Variants in INPP5F observed in about 807,000 individuals in gnomAD.
INPP5F encodes the protein inositol polyphosphate-5-phosphatase F, also known as phosphatidylinositide 4-phosphatase SAC2.
Under a neutral mutation model 137.2 loss-of-function variants are expected in INPP5F, and 97 were observed. That is an observed-to-expected ratio of 0.71 (90% confidence interval 0.60 to 0.84). The LOEUF (loss-of-function observed/expected upper bound fraction) is 0.84, where lower values mean the gene tolerates loss of function less well. Ranked by LOEUF, INPP5F falls within the 40% of genes least tolerant of loss-of-function variation. The pLI, the probability that INPP5F is intolerant of heterozygous loss-of-function variation, is 0.00. For synonymous variants in INPP5F, 504 were observed against 476.9 expected (o/e 1.06, Z -0.74); for missense variants, 1,271 against 1,371.9 (o/e 0.93, Z 1.16).
rs549596808 is a variant in INPP5F at position 119,796,552 on chromosome 10, C to T, written c.670-163C>T. Among the ~76,000 whole-genome samples, 8 of 152,282 alleles carry T rather than the reference C, an allele frequency of 5.3e-5. No homozygotes were observed. In the East Asian group the frequency reaches 1.2e-3, roughly 22 times the overall value. On this transcript the variant is annotated intron_variant, in intron 6 of 19. Transcript: ENST00000650623. ...AAAGAAAAGGAAAGACCTCCTCTGT[C>T]CGTTCCTTACGTGGTGTTCTTCAAT...
At chr10:119,821,861 T>A (rs1463173242) in intron 16 of INPP5F, among the ~76,000 whole-genome samples, 1 of 144,772 alleles carries the variant, frequency 6.9e-6, no homozygotes, top group African/African-American at 2.5e-5. Context: ...AACCTTGTAG[T>A]TGCTTTTTTT....
At chr10:119,804,322 G>A (rs771856810) in intron 10 of INPP5F, 25 bp downstream of exon 10, 5 of 1,581,634 alleles carry the variant, frequency 3.2e-6, no homozygotes, top group Non-Finnish European at 4.3e-6. Context: ...GGAGAATAGT[G>A]TTGATCAATT....
intron 15 of INPP5F, among the ~76,000 whole-genome samples, chr10:119,814,311 C>T (rs958945414): frequency 6.6e-6 from 1 of 151,664 alleles, no homozygotes; most frequent in African/African-American, 2.4e-5. Context: ...TGCTTGAACC[C>T]GGCAGGCGGA....
In INPP5F at chr10:119,736,167, A is replaced by C. The variant is rs1002300113; in HGVS notation, c.97+9808A>C. Among the ~76,000 whole-genome samples, 3 of 152,342 alleles carry C rather than the reference A, an allele frequency of 2.0e-5. No homozygotes were observed. In the East Asian group the frequency reaches 5.8e-4, roughly 29 times the overall value. On this transcript the variant is annotated intron_variant, in intron 1 of 19. Coordinates refer to ENST00000650623, the MANE Select transcript of INPP5F (RefSeq NM_014937.4). The stretch of plus-strand genomic sequence containing the variant: ...AAAGGTGAGGGATATATCCCAACAC[A>C]TTGCCATATTTCTTGGGTGATGCAT...
At chr10:119,734,787 C>G (rs551215604) in intron 1 of INPP5F, among the ~76,000 whole-genome samples, 1 of 152,244 alleles carries the variant, frequency 6.6e-6, no homozygotes, top group African/African-American at 2.4e-5. Flanking sequence ...TTTTCCTGTT[C>G]AAATATATTT....
chr10:119,820,017 T>C (rs56335151), intron 15 of INPP5F, among the ~76,000 whole-genome samples: 18,612 of 152,256 alleles, frequency 0.12, 1,177 homozygotes, highest in South Asian at 0.17. Context: ...GAGACCAGCA[T>C]AAGAATGCAG....
chr10:119,799,407 A>G lies in INPP5F; in HGVS notation c.1116+797A>G, dbSNP rs184003175. The G allele has an allele frequency of 6.5e-3, 2,261 of 345,494 alleles. 70 individuals carry two copies. Among genetic ancestry groups the G allele is most frequent in the South Asian group, 0.043 (1,808 of 42,288 alleles). The allele number at this position is 345,494 out of a possible 1,614,324, so 21.4% of individuals were successfully genotyped here. ...AAGAAAAAAACTACTGAAGAACACA[A>G]CAGAAAACCTGACTTAAGTGGAGAG... On this transcript the variant is annotated intron_variant, in intron 9 of 19. Transcript: ENST00000650623.
At chr10:119,786,749 G>A (rs1018741585) in intron 3 of INPP5F, among the ~76,000 whole-genome samples, 2 of 151,912 alleles carry the variant, frequency 1.3e-5, no homozygotes, top group Non-Finnish European at 2.9e-5. Flanking sequence ...GAATACCTGG[G>A]CTTAAGCAAT....
At chr10:119,727,046 A>G (rs1847915808) in intron 1 of INPP5F, among the ~76,000 whole-genome samples, 1 of 152,226 alleles carries the variant, frequency 6.6e-6, no homozygotes, top group African/African-American at 2.4e-5. Context: ...GGAGAGGCTT[A>G]AGTCTGCAAT....
chr10:119,731,915 T>G (rs1347737940), intron 1 of INPP5F, among the ~76,000 whole-genome samples: 1 of 152,252 alleles, frequency 6.6e-6, no homozygotes, highest in Non-Finnish European at 1.5e-5. Context: ...TCTGTATGTT[T>G]ATTTTTATGC....
intron 2 of INPP5F, among the ~76,000 whole-genome samples, chr10:119,753,774 A>C (rs1482557749): frequency 1.3e-5 from 2 of 152,248 alleles, no homozygotes; most frequent in Non-Finnish European, 2.9e-5. Context: ...GCAAGTGCTT[A>C]GTAAATTGTA....
At position 119,791,590 on chromosome 10, in the gene INPP5F, T is replaced by C. The variant is rs1486962883; in HGVS notation, c.389T>C (p.Leu130Pro). 1.2e-6 allele frequency: 2 copies of C among 1,604,668 alleles called. No individual in the cohort carries two copies. The highest frequency in any genetic ancestry group is 2.2e-5 in the East Asian group (1 of 44,766). The change falls in exon 4 of 20, where the codon CTA becomes CCA. Residue 130 changes from leucine to proline, a missense_variant. Leu to Pro is a moderately conservative substitution (Grantham distance 98, BLOSUM62 -3). Around this residue, in one of 6 missense-constraint regions of INPP5F, gnomAD observed 62 missense variants for 55.0 expected, o/e 1.13. Transcript: ENST00000650623. ...CCATCTCCTGATGACTCAAAGTTTC[T>C]ACTGAAGACCTTTACGCATATTAAA... ...IIPSPDDSKFLLKTFTHIKSN... is the reference protein window; with the variant it reads ...IIPSPDDSKFPLKTFTHIKSN...
rs544533520 is a variant in INPP5F at position 119,752,454 on chromosome 10, G to T, written c.178+1298G>T. On this transcript the variant is annotated intron_variant, in intron 2 of 19. Transcript: ENST00000650623. ...ACCAAAATTATCTGGGCATGGTGGCGCATGCCTGTAATCCCAGCTATTCGG... is the reference window on the plus strand; with the variant it reads ...ACCAAAATTATCTGGGCATGGTGGCTCATGCCTGTAATCCCAGCTATTCGG... Among the ~76,000 whole-genome samples, 7 of 152,096 alleles carry T rather than the reference G, an allele frequency of 4.6e-5. No individual in the cohort carries two copies. The East Asian group carries it at 7.7e-4, about 17-fold the overall frequency.
chr10:119,769,092 A>G (rs1438474651), intron 2 of INPP5F, among the ~76,000 whole-genome samples: 1 of 152,174 alleles, frequency 6.6e-6, no homozygotes, highest in African/African-American at 2.4e-5. Context: ...GTAATGTTTA[A>G]ACTTTCAAAA....
intron 17 of INPP5F, among the ~76,000 whole-genome samples, chr10:119,822,796 T>G (rs1851615902): frequency 1.3e-5 from 2 of 152,252 alleles, no homozygotes; most frequent in South Asian, 4.1e-4. Context: ...TTCCTTTCTA[T>G]TCATTATAGG....
In INPP5F at chr10:119,823,881, T is replaced by A. The variant is rs1851661644; in HGVS notation, c.2228T>A (p.Ile743Lys). The change falls in exon 19 of 20, where the codon ATA becomes AAA. Residue 743 changes from isoleucine to lysine, a missense_variant. By Grantham distance (102) the Ile-to-Lys change is moderately radical. Around this residue, in one of 6 missense-constraint regions of INPP5F, gnomAD observed 593 missense variants for 712.4 expected, o/e 0.83. Coordinates refer to ENST00000650623, the MANE Select transcript of INPP5F (RefSeq NM_014937.4). ...CAAGCCATGGGATCGGATTTACCCA[T>A]AATTGAGAAGAAACTTGAGAGGTGA... is the stretch of plus-strand genomic sequence containing the variant. ...TKQAMGSDLP[I>K]IEKKLERKSS... The A allele has an allele frequency of 6.2e-7, 1 of 1,613,532 alleles. No homozygotes were observed. The highest frequency in any genetic ancestry group is 1.3e-5 in the African/African-American group (1 of 74,868).
At chr10:119,808,293 G>A (rs1850881113) in intron 13 of INPP5F, among the ~76,000 whole-genome samples, 1 of 152,188 alleles carries the variant, frequency 6.6e-6, no homozygotes, top group South Asian at 2.1e-4. Context: ...CTCTCTGGAG[G>A]GGCCTATGTT....
intron 1 of INPP5F, among the ~76,000 whole-genome samples, chr10:119,739,316 C>G (rs1848306142): frequency 6.6e-6 from 1 of 152,128 alleles, no homozygotes; most frequent in Admixed American, 6.5e-5. Flanking sequence ...AAAATCCAAG[C>G]TCATTCCTGG....
At position 119,726,550 on chromosome 10, in the gene INPP5F, C is replaced by G. The variant is rs1028822265; in HGVS notation, c.97+191C>G. The stretch of plus-strand genomic sequence containing the variant: ...GCCTGGCCTTTCTCCGAGACAGCGC[C>G]GAGCCCCTACCCCAGTGCGGAGCAG... On this transcript the variant is annotated intron_variant, in intron 1 of 19. Coordinates refer to ENST00000650623, the MANE Select transcript of INPP5F (RefSeq NM_014937.4). 6.6e-5 allele frequency among the ~76,000 whole-genome samples: 10 copies of G among 152,358 alleles called. No homozygotes were observed. The East Asian group carries it at 1.9e-3, about 29-fold the overall frequency.
Sources: allele counts gnomAD v4.1 joint callset (sites outside exome capture counted in the v4.1 genomes callset), GRCh38; gene constraint gnomAD v4.1.1; regional missense constraint gnomAD v4.1.1; transcripts MANE v1.5; gene names NCBI Gene and HGNC (gene_info 2026-07-23, HGNC 2026-07-21).